SMS: variants seen among roughly 807,000 people sequenced by gnomAD.
SMS encodes spermidine aminopropyltransferase.
In SMS, 3 loss-of-function variants were observed where a neutral mutation model predicts 33.0. The observed-to-expected ratio is 0.09, with a 90% confidence interval of 0.04 to 0.23. SMS has a LOEUF of 0.23. SMS is among the 10% of genes least tolerant of loss of function. The pLI, the probability that SMS is intolerant of heterozygous loss-of-function variation, is 1.00. For missense variants in SMS, 117 were observed against 288.6 expected (o/e 0.41, Z 4.31); for synonymous variants, 103 against 112.2 (o/e 0.92, Z 0.52).
At chrX:21,962,861 C>G (rs1923456519) in intron 1 of SMS, among the ~76,000 whole-genome samples, 1 of 110,012 alleles carries the variant, frequency 9.1e-6, no homozygotes, top group Non-Finnish European at 1.9e-5. Flanking sequence ...TACCACGTTG[C>G]CCAGGCTGGT....
intron 7 of SMS, among the ~76,000 whole-genome samples, chrX:21,980,588 A>G (rs975290185): frequency 1.5e-4 from 16 of 109,212 alleles, no homozygotes; most frequent in African/African-American, 5.3e-4. Flanking sequence ...TGTGGTAAAT[A>G]GAAAAATAGA....
chrX:21,980,919 A>G (rs1387661235), intron 7 of SMS, among the ~76,000 whole-genome samples: 2 of 112,079 alleles, frequency 1.8e-5, no homozygotes, highest in Non-Finnish European at 3.8e-5. Flanking sequence ...TTAAATTCCT[A>G]GGAATATATT....
chrX:21,958,929 C>T (rs183754037), intron 1 of SMS, among the ~76,000 whole-genome samples: 7 of 112,963 alleles, frequency 6.2e-5, no homozygotes, highest in African/African-American at 2.2e-4. Flanking sequence ...TTGTATGGAG[C>T]GTGTATCAGT....
intron 1 of SMS, among the ~76,000 whole-genome samples, chrX:21,957,383 A>G (rs991170230): frequency 2.8e-5 from 3 of 108,817 alleles, no homozygotes; most frequent in African/African-American, 1.0e-4. Flanking sequence ...TGCAACCTCC[A>G]CCTCCTGAGT....
chrX:21,983,494 C>T (rs1925122112), intron 7 of SMS, among the ~76,000 whole-genome samples: 1 of 111,135 alleles, frequency 9.0e-6, no homozygotes, highest in Non-Finnish European at 1.9e-5. Context: ...CAGCATAGAG[C>T]CTCAGTACTT....
chrX:21,972,111 A>C, intron 3 of SMS, 121 bp downstream of exon 3: 1 of 541,886 alleles, frequency 1.8e-6, no homozygotes, highest in Non-Finnish European at 3.2e-6. Flanking sequence ...TCCTCCCTCC[A>C]CATAAGTGAT....
At chrX:21,967,490 C>T (rs778463948) in intron 2 of SMS, among the ~76,000 whole-genome samples, 174 bp downstream of exon 2, 8 of 111,095 alleles carry the variant, frequency 7.2e-5, no homozygotes, top group African/African-American at 1.6e-4. Context: ...CTCCTGGTAG[C>T]GTTACTGACC....
At chrX:21,954,847 GT>G (rs1191802394) in intron 1 of SMS, among the ~76,000 whole-genome samples, 2 of 109,389 alleles carry the variant, frequency 1.8e-5, no homozygotes, top group Non-Finnish European at 3.8e-5. Flanking sequence ...TTGAAGTATT[GT>G]TTTTTTTTGA....
At position 21,978,051 on chromosome X, in the gene SMS, T is replaced by G. The variant is rs762734153; in HGVS notation, c.597T>G (p.Gly199=). The change falls in exon 6 of 11, where the codon GGT becomes GGG. Residue 199 remains glycine (G), a synonymous_variant. Coordinates refer to ENST00000404933, the MANE Select transcript of SMS (RefSeq NM_004595.5). ...GCAAAGATGTACTCATTCTGGGAGG[T>G]GGAGACGGAGGCATATTGTGTGAAA... ...YTGKDVLILG[G]GDGGILCEIV... The G allele has an allele frequency of 3.3e-6, 4 of 1,208,044 alleles. No individual in the cohort carries two copies. The Admixed American group carries it at 8.7e-5, about 26-fold the overall frequency.
rs201228691 is a variant in SMS at position 21,967,174 on chromosome X, C to G, written c.50-22C>G. ...TGAACGTTTCTTTCTGACCATCTTG[C>G]CTTCTTCCCCTTGTTCTCCAGCTGA... is the stretch of plus-strand genomic sequence containing the variant. On this transcript the variant is annotated intron_variant, in intron 1 of 10. Transcript: ENST00000404933. The G allele has an allele frequency of 4.2e-5, 51 of 1,204,582 alleles. No individual in the cohort carries two copies. The South Asian group carries it at 8.8e-4, about 21-fold the overall frequency.
chrX:21,968,205 C>A (rs963723642), intron 2 of SMS, among the ~76,000 whole-genome samples: 2 of 112,732 alleles, frequency 1.8e-5, no homozygotes, highest in South Asian at 7.2e-4. Context: ...AGGGGCAGCC[C>A]GAACAGAGCC....
At chrX:21,957,089 C>T (rs915711269) in intron 1 of SMS, among the ~76,000 whole-genome samples, 5 of 109,036 alleles carry the variant, frequency 4.6e-5, no homozygotes, top group Non-Finnish European at 3.8e-5. Context: ...TTACCTGATG[C>T]GTGTTGCATC....
chrX:21,953,254 C>A (rs1173382032), intron 1 of SMS, among the ~76,000 whole-genome samples: 1 of 103,466 alleles, frequency 9.7e-6, no homozygotes, highest in Non-Finnish European at 1.9e-5. Flanking sequence ...AGGACTGAGC[C>A]GTGAACAAAG....
chrX:21,963,390 G>C (rs766733127), intron 1 of SMS, among the ~76,000 whole-genome samples: 17 of 112,416 alleles, frequency 1.5e-4, no homozygotes, highest in Non-Finnish European at 2.8e-4. Flanking sequence ...CCGCACAAAT[G>C]AATAGGGCTT....
intron 1 of SMS, among the ~76,000 whole-genome samples, chrX:21,946,292 C>T (rs1411016788): frequency 8.9e-6 from 1 of 112,038 alleles, no homozygotes; most frequent in Non-Finnish European, 1.9e-5. Context: ...GGTTTCCACC[C>T]AAGGCCAATG....
At chrX:21,952,275 T>C (rs1173092512) in intron 1 of SMS, among the ~76,000 whole-genome samples, 3 of 111,942 alleles carry the variant, frequency 2.7e-5, no homozygotes, top group Non-Finnish European at 5.6e-5. Flanking sequence ...CTTTATCAAG[T>C]TGAGAAAGCT....
At chrX:21,941,800 G>A (rs1476882620) in intron 1 of SMS, among the ~76,000 whole-genome samples, 1 of 99,974 alleles carries the variant, frequency 1.0e-5, no homozygotes, top group Non-Finnish European at 2.0e-5. Flanking sequence ...CAGGACAATC[G>A]CTTGAACCTG....
intron 9 of SMS, among the ~76,000 whole-genome samples, chrX:21,990,249 A>G (rs909575184): frequency 3.6e-5 from 4 of 112,245 alleles, no homozygotes; most frequent in African/African-American, 6.5e-5. Context: ...GCACTGAGCT[A>G]TGTTCACAGC....
chrX:21,958,972 G>A (rs1923158192), intron 1 of SMS, among the ~76,000 whole-genome samples: 1 of 112,993 alleles, frequency 8.9e-6, no homozygotes, highest in South Asian at 3.6e-4. Context: ...ATAGTGCGTG[G>A]ATAACCACAG....
Sources: allele counts gnomAD v4.1 joint callset (sites outside exome capture counted in the v4.1 genomes callset), GRCh38; gene constraint gnomAD v4.1.1; transcripts MANE v1.5; gene names NCBI Gene and HGNC (gene_info 2026-07-23, HGNC 2026-07-21).